KIAA0825: variants seen among roughly 807,000 people sequenced by gnomAD.
KIAA0825 encodes uncharacterized protein KIAA0825.
KIAA0825 carries 119 observed loss-of-function variants against 147.6 expected under a neutral mutation model. The observed-to-expected ratio is 0.81, with a 90% CI of 0.69 to 0.94. KIAA0825 has a LOEUF of 0.94. KIAA0825 is among the 40% of genes least tolerant of loss of function. The pLI, the probability that KIAA0825 is intolerant of heterozygous loss-of-function variation, is 0.00. For missense variants in KIAA0825, 1,381 were observed against 1,472.7 expected (o/e 0.94, Z 1.02); for synonymous variants, 470 against 518.1 (o/e 0.91, Z 1.26).
At chr5:94,456,347 T>C (rs927981653) in intron 12 of KIAA0825, among the ~76,000 whole-genome samples, 3 of 152,180 alleles carry the variant, frequency 2.0e-5, no homozygotes, top group Admixed American at 6.5e-5. Context: ...CCTCTGAAGC[T>C]TCTCTGCTAA....
At chr5:94,280,473 G>A (rs1053049327) in intron 20 of KIAA0825, among the ~76,000 whole-genome samples, 12 of 152,038 alleles carry the variant, frequency 7.9e-5, no homozygotes, top group Admixed American at 2.0e-4. Context: ...TGCATAAAGA[G>A]ATTTGCCATT....
intron 20 of KIAA0825, among the ~76,000 whole-genome samples, chr5:94,346,683 C>T (rs1401790778): frequency 2.6e-5 from 4 of 152,112 alleles, no homozygotes; most frequent in African/African-American, 9.7e-5. Flanking sequence ...TTGTTGGGTC[C>T]CCTAGCGGGC....
chr5:94,523,566 A>G (rs1331190399), intron 4 of KIAA0825, among the ~76,000 whole-genome samples: 1 of 151,590 alleles, frequency 6.6e-6, no homozygotes, highest in African/African-American at 2.4e-5. Flanking sequence ...ATGAGCATAT[A>G]AAAAATGAAT....
intron 20 of KIAA0825, among the ~76,000 whole-genome samples, chr5:94,184,253 G>C (rs1370496021): frequency 6.6e-6 from 1 of 152,100 alleles, no homozygotes; most frequent in Non-Finnish European, 1.5e-5. Flanking sequence ...AAAGAAATAT[G>C]ACTATCAGGT....
rs138492583 is a variant in KIAA0825, at chr5:94,379,352, G to A, written c.3710+5016C>T. Among the ~76,000 whole-genome samples, 28 of 152,198 alleles carry A rather than the reference G, an allele frequency of 1.8e-4. No individual in the cohort carries two copies. The South Asian group carries it at 2.9e-3, about 16-fold the overall frequency. Reference sequence around the variant, plus strand: ...GCCTGTTATCTTAGCACCATTTATTGAATAGTGAATTCTTTACCCATTGCT... The same window carrying A: ...GCCTGTTATCTTAGCACCATTTATTAAATAGTGAATTCTTTACCCATTGCT... On this transcript the variant is annotated intron_variant, in intron 20 of 20. Transcript: ENST00000682413.
At chr5:94,170,278 G>A (rs532253148) in intron 20 of KIAA0825, among the ~76,000 whole-genome samples, 8 of 152,092 alleles carry the variant, frequency 5.3e-5, no homozygotes, top group Admixed American at 1.3e-4. Flanking sequence ...CAGCCTGGGC[G>A]ACAGAGCAAG....
rs549219358 is a variant in KIAA0825 at position 94,593,683 on chromosome 5, A to G, written c.-152-11100T>C. On this transcript the variant is annotated intron_variant, in intron 1 of 20. Transcript: ENST00000682413. ...AGAAAGCAGAAATTCATGTCTGATT[A>G]AAAGAGTTGCTTCAGTTCTGCACAA... is the stretch of plus-strand genomic sequence containing the variant. The G allele has an allele frequency of 6.9e-4, 277 of 403,322 alleles. 1 individual carries two copies. In the South Asian group the frequency reaches 6.9e-3, roughly 10 times the overall value. 25.0% of individuals were successfully genotyped at this position (403,322 alleles called of 1,614,324 possible).
intron 5 of KIAA0825, among the ~76,000 whole-genome samples, chr5:94,496,955 T>C (rs1764443751): frequency 6.6e-6 from 1 of 152,222 alleles, no homozygotes; most frequent in Non-Finnish European, 1.5e-5. Context: ...ATCCCATGTC[T>C]CATTTGCTGG....
intron 20 of KIAA0825, among the ~76,000 whole-genome samples, chr5:94,366,314 A>C (rs1745850654): frequency 6.6e-6 from 1 of 152,146 alleles, no homozygotes; most frequent in Admixed American, 6.5e-5. Flanking sequence ...TGGCTCATGA[A>C]TATAGGCAGC....
intron 20 of KIAA0825, among the ~76,000 whole-genome samples, chr5:94,158,520 T>G (rs771619438): frequency 6.6e-6 from 1 of 151,960 alleles, no homozygotes; most frequent in African/African-American, 2.4e-5. Context: ...CAATGAAGAG[T>G]TGTCTTCCCA....
At chr5:94,443,766 T>C (rs572918150) in intron 13 of KIAA0825, among the ~76,000 whole-genome samples, 8 of 152,136 alleles carry the variant, frequency 5.3e-5, no homozygotes, top group Non-Finnish European at 1.2e-4. Flanking sequence ...CTTAGCTGTA[T>C]CAATCATACT....
intron 11 of KIAA0825, among the ~76,000 whole-genome samples, chr5:94,464,078 A>G (rs1019400381): frequency 2.0e-5 from 3 of 151,428 alleles, no homozygotes; most frequent in African/African-American, 7.2e-5. Context: ...AAAAAAAAAA[A>G]AAAAAAAGAA....
intron 20 of KIAA0825, among the ~76,000 whole-genome samples, chr5:94,237,591 T>C (rs1775121425): frequency 6.6e-6 from 1 of 152,216 alleles, no homozygotes; most frequent in African/African-American, 2.4e-5. Context: ...TTTCTAAGTA[T>C]ATAATCTTGT....
chr5:94,495,905 A>G (rs1270050394), intron 5 of KIAA0825, among the ~76,000 whole-genome samples: 1 of 152,258 alleles, frequency 6.6e-6, no homozygotes, highest in Non-Finnish European at 1.5e-5. Flanking sequence ...GTATATAGAC[A>G]AATCTTAGAC....
rs578131882 is a variant in KIAA0825, at chr5:94,391,480, C to T, written c.3456+55G>A. On this transcript the variant is annotated intron_variant, in intron 18 of 20. Coordinates refer to ENST00000682413, the MANE Select transcript of KIAA0825 (RefSeq NM_001145678.3). ...TGACTAACCCTTAGCTGCCAGCAGA[C>T]GCTGCCTCAGGCCAGTACACACCTA... 1.3e-5 allele frequency: 20 copies of T among 1,533,310 alleles called. 1 individual carries two copies. The East Asian group carries it at 1.7e-4, about 13-fold the overall frequency. The allele number at this position is 1,533,310 out of a possible 1,614,324, so 95.0% of individuals were successfully genotyped here. A position where few individuals can be genotyped will look rare whatever the true frequency, so the allele number is the denominator to read the frequency against.
chr5:94,306,181 A>AG (rs1361411622), intron 20 of KIAA0825, among the ~76,000 whole-genome samples: 1 of 151,868 alleles, frequency 6.6e-6, no homozygotes, highest in Non-Finnish European at 1.5e-5. Flanking sequence ...TCATATTTAG[A>AG]GAAAAAAAAG....
intron 20 of KIAA0825, among the ~76,000 whole-genome samples, chr5:94,199,074 T>C (rs1291137498): frequency 6.6e-6 from 1 of 152,126 alleles, no homozygotes; most frequent in African/African-American, 2.4e-5. Context: ...TTAAGAACCA[T>C]TGGTGGGGAG....
intron 20 of KIAA0825, among the ~76,000 whole-genome samples, chr5:94,202,328 G>T (rs769645495): frequency 5.3e-5 from 8 of 152,196 alleles, no homozygotes; most frequent in Non-Finnish European, 1.2e-4. Flanking sequence ...AGAGGTCCTA[G>T]CCTGCTATAT....
intron 15 of KIAA0825, among the ~76,000 whole-genome samples, chr5:94,412,359 A>C (rs1407946704): frequency 1.3e-5 from 2 of 152,308 alleles, no homozygotes; most frequent in East Asian, 3.9e-4. Context: ...ATTGGCCAAA[A>C]TGTAAAAAGA....
Sources: allele counts gnomAD v4.1 joint callset (sites outside exome capture counted in the v4.1 genomes callset), GRCh38; gene constraint gnomAD v4.1.1; transcripts MANE v1.5; gene names NCBI Gene and HGNC (gene_info 2026-07-23, HGNC 2026-07-21).